TOM1L1: variants seen among roughly 807,000 people sequenced by gnomAD.
TOM1L1 encodes the protein target of myb1 like 1 membrane trafficking protein, also known as TOM1-like protein 1.
Under a neutral mutation model 63.4 loss-of-function variants are expected in TOM1L1, and 64 were observed. The ratio of observed to expected loss-of-function variants is 1.01; its 90% CI spans 0.83 to 1.24. TOM1L1 has a LOEUF of 1.24. Ranked by LOEUF, TOM1L1 falls within the 50% of genes most tolerant of loss-of-function variation. TOM1L1 has a pLI of 0.00. For synonymous variants in TOM1L1, 166 were observed against 194.4 expected (o/e 0.85, Z 1.22); for missense variants, 536 against 567.0 (o/e 0.95, Z 0.55).
chr17:54,913,278 A>G (rs1461733725), intron 4 of TOM1L1, among the ~76,000 whole-genome samples: 2 of 152,190 alleles, frequency 1.3e-5, no homozygotes, highest in African/African-American at 4.8e-5. Flanking sequence ...AGCCTTTGAA[A>G]ATGAGCATTT....
In TOM1L1 at chr17:54,950,063, TCCAGCCA is replaced by T; in HGVS notation, c.1310_1316del (p.Gln437LeufsTer6). 6.2e-7 allele frequency: 1 copy of T among 1,613,986 alleles called. No individual in the cohort carries two copies. On this transcript the variant is annotated frameshift_variant, in exon 14 of 16. Coordinates refer to ENST00000575882, the MANE Select transcript of TOM1L1 (RefSeq NM_005486.3). LOFTEE classifies it high-confidence loss of function. ...CCCAAAGCGATGACAAAAAGTGATC[TCCAGCCA>T]CCTAATTACTACGAGGTAATGGAGT...
intron 3 of TOM1L1, among the ~76,000 whole-genome samples, chr17:54,910,455 C>G (rs2048480408): frequency 6.7e-6 from 1 of 149,186 alleles, no homozygotes; most frequent in Non-Finnish European, 1.5e-5. Context: ...GACCCTGTCT[C>G]AAACAAACAA....
chr17:54,921,862 A>C (rs1484123810), intron 7 of TOM1L1, among the ~76,000 whole-genome samples: 1 of 152,246 alleles, frequency 6.6e-6, no homozygotes, highest in Non-Finnish European at 1.5e-5. Flanking sequence ...TGATTTTCCC[A>C]AAACTTAGCT....
intron 7 of TOM1L1, among the ~76,000 whole-genome samples, chr17:54,918,296 C>T (rs1490978383): frequency 6.6e-6 from 1 of 152,132 alleles, no homozygotes; most frequent in Non-Finnish European, 1.5e-5. Flanking sequence ...TAAAAACAAA[C>T]AAAACAGCTA....
intron 7 of TOM1L1, among the ~76,000 whole-genome samples, chr17:54,929,108 T>A (rs1418870822): frequency 6.6e-6 from 1 of 152,220 alleles, no homozygotes; most frequent in Non-Finnish European, 1.5e-5. Context: ...GCAGCATCCC[T>A]GTGTTTTGCT....
chr17:54,936,234 G>T (rs17745183), intron 8 of TOM1L1, among the ~76,000 whole-genome samples: 34,888 of 152,016 alleles, frequency 0.23, 4,600 homozygotes, highest in Non-Finnish European at 0.29. Context: ...TAATAGAGTG[G>T]TTAAAAGTGT....
At position 54,934,719 on chromosome 17, in the gene TOM1L1, T is replaced by A. The variant is rs574585074; in HGVS notation, c.855-1930T>A. 4.6e-5 allele frequency among the ~76,000 whole-genome samples: 7 copies of A among 152,206 alleles called. No homozygotes were observed. In the South Asian group the frequency reaches 1.5e-3, roughly 32 times the overall value. On this transcript the variant is annotated intron_variant, in intron 8 of 15. Coordinates refer to ENST00000575882, the MANE Select transcript of TOM1L1 (RefSeq NM_005486.3). ...TAGTGCTATAACTAGATGGATTTTT[T>A]TTTTTTTTTCTTTTTTGAGATGGAC...
At chr17:54,909,675 A>G (rs1485141278) in intron 3 of TOM1L1, among the ~76,000 whole-genome samples, 3 of 152,110 alleles carry the variant, frequency 2.0e-5, no homozygotes, top group African/African-American at 7.2e-5. Flanking sequence ...TATTATGTCC[A>G]TTTTGCAGAT....
At position 54,933,730 on chromosome 17, in the gene TOM1L1, C is replaced by T. The variant is rs943548769; in HGVS notation, c.855-2919C>T. On this transcript the variant is annotated intron_variant, in intron 8 of 15. Transcript: ENST00000575882. ...TAGAGACGGGGTTTCACTATGTTGG[C>T]CAGGATGGTCTCGATCTCTTGACCT... Among the ~76,000 whole-genome samples, 4 of 152,104 alleles carry T rather than the reference C, an allele frequency of 2.6e-5. No individual in the cohort carries two copies. The South Asian group carries it at 8.3e-4, about 32-fold the overall frequency.
chr17:54,914,790 G>T, intron 6 of TOM1L1, 47 bp downstream of exon 6: 1 of 1,434,288 alleles, frequency 7.0e-7, no homozygotes, highest in Non-Finnish European at 9.8e-7. Context: ...TTCCTGATTT[G>T]TAAGCACCTT....
intron 4 of TOM1L1, 107 bp from the exon 5 acceptor site, chr17:54,913,641 G>T (rs1039224352): frequency 3.2e-6 from 4 of 1,239,174 alleles, no homozygotes; most frequent in East Asian, 3.5e-5. Context: ...ACTCCAGCCC[G>T]GGCAATAGTG....
chr17:54,918,149 C>G (rs1650365190), intron 7 of TOM1L1, among the ~76,000 whole-genome samples: 1 of 152,146 alleles, frequency 6.6e-6, no homozygotes, highest in South Asian at 2.1e-4. Flanking sequence ...CTGTGGGCAA[C>G]CTTGAATGTC....
chr17:54,902,814 G>A (rs913097969), intron 1 of TOM1L1, among the ~76,000 whole-genome samples: 2 of 152,278 alleles, frequency 1.3e-5, no homozygotes, highest in Non-Finnish European at 2.9e-5. Flanking sequence ...TTCTTAAAGC[G>A]GCTGTCTGGA....
chr17:54,960,582 A>C lies in TOM1L1; in HGVS notation c.1387A>C (p.Ile463Leu). The C allele has an allele frequency of 6.2e-7, 1 of 1,613,326 alleles. No homozygotes were observed. Among genetic ancestry groups the C allele is most frequent in the Non-Finnish European group, 8.5e-7 (1 of 1,179,756 alleles). ...AVTTEAIYEE[I>L]DAHQHKGAQN... Reference sequence around the variant, plus strand: ...TTGTTTCAGAGCTATTTATGAAGAAATTGATGCTCACCAGCACAAAGGAGC... The same window carrying C: ...TTGTTTCAGAGCTATTTATGAAGAACTTGATGCTCACCAGCACAAAGGAGC... Residue 463 changes from isoleucine to leucine, a missense_variant, in exon 15 of 16, where the codon ATT (isoleucine) becomes CTT (leucine). By Grantham distance (5) the Ile-to-Leu change is conservative. Transcript: ENST00000575882.
chr17:54,921,666 GGTT>G (rs1486853414), intron 7 of TOM1L1, among the ~76,000 whole-genome samples: 1 of 152,048 alleles, frequency 6.6e-6, no homozygotes, highest in African/African-American at 2.4e-5. Context: ...TGAACCCGGA[GGTT>G]GCAGTGAGCA....
chr17:54,918,066 T>C (rs1410223771), intron 7 of TOM1L1, among the ~76,000 whole-genome samples: 4 of 152,182 alleles, frequency 2.6e-5, no homozygotes, highest in African/African-American at 4.8e-5. Flanking sequence ...TTAGAGCCCC[T>C]TGTGCTTCTT....
At chr17:54,950,675 A>C (rs1598058125) in intron 14 of TOM1L1, among the ~76,000 whole-genome samples, 2 of 152,222 alleles carry the variant, frequency 1.3e-5, no homozygotes, top group African/African-American at 4.8e-5. Flanking sequence ...TGAGTGACTG[A>C]AGGTTACCCC....
chr17:54,911,315 G>T (rs1004006710), intron 3 of TOM1L1, among the ~76,000 whole-genome samples: 2 of 152,022 alleles, frequency 1.3e-5, no homozygotes, highest in Non-Finnish European at 2.9e-5. Flanking sequence ...TCGTTGGCCC[G>T]TATAGTAGGT....
chr17:54,927,646 G>T (rs958102574), intron 7 of TOM1L1, among the ~76,000 whole-genome samples: 6 of 152,184 alleles, frequency 3.9e-5, no homozygotes, highest in African/African-American at 7.2e-5. Context: ...AGCAGCTGTT[G>T]TTCTGTATTT....
Sources: gnomAD v4.1 joint callset for allele counts (sites outside exome capture counted in the v4.1 genomes callset) on GRCh38, gnomAD v4.1.1 for gene constraint, MANE v1.5 for transcripts, NCBI Gene and HGNC (gene_info 2026-07-23, HGNC 2026-07-21) for gene names.